The following COL6A3 variants were observed in gnomAD, a reference collection of about 807,000 sequenced individuals.
The protein encoded by COL6A3 is collagen alpha-3(VI) chain.
COL6A3 carries 137 observed loss-of-function variants against 274.1 expected under a neutral mutation model. The observed-to-expected ratio is 0.50, with a 90% CI of 0.44 to 0.58. COL6A3 has a LOEUF of 0.58. Among genes scored for constraint, COL6A3 ranks in the 20% least tolerant of loss-of-function variants. COL6A3 has a pLI of 0.00. For missense variants in COL6A3, 3,950 were observed against 4,124.9 expected, an observed-to-expected ratio of 0.96 and a Z score of 1.16; for synonymous variants, 1,650 against 1,650.6, an observed-to-expected ratio of 1.00 and a Z score of 0.01.
At chr2:237,347,646 C>T (rs1388353545) in intron 31 of COL6A3, among the ~76,000 whole-genome samples, 161 bp downstream of exon 31, 1 of 152,144 alleles carries the variant, frequency 6.6e-6, no homozygotes, top group Non-Finnish European at 1.5e-5. Flanking sequence ...ATGGTGGCAC[C>T]CTGAGGACAT....
At chr2:237,352,304 G>T (rs2077223382) in intron 26 of COL6A3, among the ~76,000 whole-genome samples, 1 of 152,192 alleles carries the variant, frequency 6.6e-6, no homozygotes, top group African/African-American at 2.4e-5. Flanking sequence ...TTGAGACTTA[G>T]AGGCCCATGG....
rs762715536 is a variant in COL6A3 at position 237,381,032 on chromosome 2, C to T, written c.1780G>A (p.Glu594Lys). The T allele has an allele frequency of 1.2e-6, 2 of 1,614,130 alleles. No homozygotes were observed. Among genetic ancestry groups the T allele is most frequent in the Admixed American group, 1.7e-5 (1 of 60,008 alleles). Reference sequence around the variant, plus strand: ...ACCAGGGAGGAGTCGAAAGCGATCTCTTCCAGCTCAGCCTGATCGGCACCC... The same window carrying T: ...ACCAGGGAGGAGTCGAAAGCGATCTTTTCCAGCTCAGCCTGATCGGCACCC... ...NKGADQAELE[E>K]IAFDSSLVFI... Residue 594 changes from glutamate (E) to lysine (K), a missense_variant, in exon 5 of 44, where the codon GAG (glutamate) becomes AAG (lysine). By Grantham distance (56) the Glu-to-Lys change is moderately conservative (BLOSUM62 1). Coordinates refer to ENST00000295550, the MANE Select transcript of COL6A3 (RefSeq NM_004369.4).
chr2:237,345,556 T>G (rs1254743446), intron 32 of COL6A3, among the ~76,000 whole-genome samples: 1 of 152,122 alleles, frequency 6.6e-6, no homozygotes, highest in Non-Finnish European at 1.5e-5. Context: ...TGATACGCTG[T>G]CCCCTGCCGA....
chr2:237,366,071 TG>T (rs1487804754), intron 11 of COL6A3, 36 bp from the exon 12 acceptor site: 7 of 1,577,084 alleles, frequency 4.4e-6, no homozygotes, highest in East Asian at 4.5e-5. Context: ...AGTTCTCAGC[TG>T]GGGCTGAGGA....
chr2:237,373,474 C>T (rs2077746707), intron 8 of COL6A3, among the ~76,000 whole-genome samples: 1 of 152,184 alleles, frequency 6.6e-6, no homozygotes, highest in Admixed American at 6.5e-5. Flanking sequence ...CCACACTGCT[C>T]TCTTCCCCAG....
Position 237,377,207 on chromosome 2 carries a change from G to C in COL6A3, c.2635C>G (p.Gln879Glu), listed in dbSNP as rs139653464. Residue 879 changes from glutamine to glutamate, a missense_variant, in exon 7 of 44, where the codon CAG (glutamine) becomes GAG (glutamate). Around this residue, in one of 5 missense-constraint regions of COL6A3, gnomAD observed 1,934 missense variants for 1,984.3 expected, o/e 0.97. Coordinates refer to ENST00000295550, the MANE Select transcript of COL6A3 (RefSeq NM_004369.4). ...KPEGTRIAVA[Q>E]YSDDVKVESR... ...TCCACCTTGACATCATCGCTGTACTGAGCCACCGCAATTCGGGTCCCCTCT... is the reference window on the plus strand; with the variant it reads ...TCCACCTTGACATCATCGCTGTACTCAGCCACCGCAATTCGGGTCCCCTCT... 2.5e-6 allele frequency: 4 copies of C among 1,613,726 alleles called. No homozygotes were observed. In the African/African-American group the frequency reaches 5.3e-5, roughly 22 times the overall value.
chr2:237,389,159 CAG>C (rs1282552345), intron 3 of COL6A3, among the ~76,000 whole-genome samples: 2 of 152,180 alleles, frequency 1.3e-5, no homozygotes, highest in Admixed American at 1.3e-4. Flanking sequence ...TAATGGCAAA[CAG>C]AGAATTCCCA....
intron 2 of COL6A3, among the ~76,000 whole-genome samples, chr2:237,395,672 C>T (rs921568306): frequency 2.6e-5 from 4 of 152,170 alleles, no homozygotes; most frequent in African/African-American, 9.7e-5. Flanking sequence ...CATTCACTAA[C>T]CCCCAATGCT....
chr2:237,334,654 T>C lies in COL6A3; in HGVS notation c.9201A>G (p.Arg3067=), dbSNP rs1336555076. 8 of 1,613,674 alleles carry C rather than the reference T, an allele frequency of 5.0e-6. No homozygotes were observed. Among genetic ancestry groups the C allele is most frequent in the Non-Finnish European group, 6.8e-6 (8 of 1,180,022 alleles). ...TACTGAAACTTCCGTGGTAGGTGGC[T>C]CTGACCTGAGACCTCAGGTAGCAGA... is the stretch of plus-strand genomic sequence containing the variant. ...AVVCYLRSQV[R]ATYHGSFSTK... Residue 3067 remains arginine, a synonymous_variant, in exon 41 of 44, where the codon AGA becomes AGG. Transcript: ENST00000295550.
chr2:237,356,464 A>C (rs529603188), intron 23 of COL6A3, among the ~76,000 whole-genome samples: 1 of 152,202 alleles, frequency 6.6e-6, no homozygotes, highest in East Asian at 1.9e-4. Flanking sequence ...TAGTCCATCA[A>C]TTTGATTTTG....
Position 237,345,330 on chromosome 2 carries a change from T to A in COL6A3, c.7093-117A>T, listed in dbSNP as rs188633065. 24 of 914,934 alleles carry A rather than the reference T, an allele frequency of 2.6e-5. 2 individuals carry two copies. In the Admixed American group the frequency reaches 4.4e-4, roughly 17 times the overall value. The allele number at this position is 914,934 out of a possible 1,614,324, so 56.7% of individuals were successfully genotyped here. On this transcript the variant is annotated intron_variant, in intron 32 of 43. Coordinates refer to ENST00000295550, the MANE Select transcript of COL6A3 (RefSeq NM_004369.4). ...AAAGGGGCCCCTGGATAACCTTGATTGTTTACAGCCTCTCCCTCTAAACCT... is the reference window on the plus strand; with the variant it reads ...AAAGGGGCCCCTGGATAACCTTGATAGTTTACAGCCTCTCCCTCTAAACCT...
Position 237,374,605 on chromosome 2 carries a change from G to A in COL6A3, c.3486C>T (p.Pro1162=). ...CAGCGTTCCCGATGCCAATGCCAAT[G>A]GGCACAGCCCCACCCCTCTTCACGA... is the stretch of plus-strand genomic sequence containing the variant. ...SVVVKRGGAV[P]IGIGIGNADI... is the part of the protein sequence containing the mutation. The change falls in exon 8 of 44, where the codon CCC becomes CCT. Residue 1162 remains proline (P), a synonymous_variant. Transcript: ENST00000295550. This position sits in a 1 kb window ranked among gnomAD's most constrained non-coding sequence, Gnocchi z 4.8. 1 of 1,614,182 alleles carries A rather than the reference G, an allele frequency of 6.2e-7. No individual in the cohort carries two copies. The highest frequency in any genetic ancestry group is 8.5e-7 in the Non-Finnish European group (1 of 1,180,016).
Position 237,396,749 on chromosome 2 carries a change from A to G in COL6A3, c.69T>C (p.Thr23=). 6.2e-7 allele frequency: 1 copy of G among 1,614,156 alleles called. No homozygotes were observed. The highest frequency in any genetic ancestry group is 8.5e-7 in the Non-Finnish European group (1 of 1,180,012). ...FCLFLSGFPT[T]HAQQQQADVK... is the part of the protein sequence containing the mutation. ...TACCTGCTTGCTGCTGCTGGGCATG[A>G]GTTGTAGGAAAGCCTGAGAGAAAGA... Residue 23 remains threonine, a synonymous_variant, in exon 2 of 44, where the codon ACT becomes ACC. Coordinates refer to ENST00000295550, the MANE Select transcript of COL6A3 (RefSeq NM_004369.4).
intron 3 of COL6A3, among the ~76,000 whole-genome samples, chr2:237,393,754 T>C (rs568717877): frequency 3.9e-5 from 6 of 152,254 alleles, no homozygotes; most frequent in African/African-American, 1.2e-4. Context: ...TCCTTCCCCA[T>C]TGGCCATTTA....
chr2:237,344,943 T>A lies in COL6A3; in HGVS notation c.7172A>T (p.Tyr2391Phe). 7 of 1,614,036 alleles carry A rather than the reference T, an allele frequency of 4.3e-6. No individual in the cohort carries two copies. Among genetic ancestry groups the A allele is most frequent in the Non-Finnish European group, 5.9e-6 (7 of 1,180,022 alleles). ...QSIKDKCPCC[Y>F]GPLECPVFPT... ...GAAAGTCACCAAAATCAACTTACCG[T>A]AACAGCAAGCTAGAAAAGAAGCAAA... Residue 2391 changes from tyrosine (Y) to phenylalanine (F), a missense_variant and splice_region_variant, in exon 35 of 44, where the codon TAC becomes TTC. Physicochemically the swap from Tyr to Phe is conservative, Grantham distance 22. Around this residue, in one of 5 missense-constraint regions of COL6A3, gnomAD observed 1,284 missense variants for 1,349.7 expected, o/e 0.95. Coordinates refer to ENST00000295550, the MANE Select transcript of COL6A3 (RefSeq NM_004369.4). The surrounding 1 kb of genome is among the most constrained non-coding windows in gnomAD (Gnocchi z 4.8).
chr2:237,342,194 G>T (rs2077001841), intron 36 of COL6A3, 33 bp from the exon 37 acceptor site: 3 of 1,549,910 alleles, frequency 1.9e-6, no homozygotes, highest in African/African-American at 2.7e-5. Context: ...TTTGGTAGGG[G>T]CGTACATGAT....
chr2:237,339,058 C>G lies in COL6A3; in HGVS notation c.8524G>C (p.Asp2842His). The change falls in exon 39 of 44, where the codon GAC becomes CAC. Residue 2842 changes from aspartate (D) to histidine (H), a missense_variant. Coordinates refer to ENST00000295550, the MANE Select transcript of COL6A3 (RefSeq NM_004369.4). ...IRKQCDWFQG[D>H]QPTKNLVKFG... ...TTCACAAGGTTCTTTGTGGGTTGGT[C>G]CCCTTGGAACCAATCACACTGTTTC... 6.2e-7 allele frequency: 1 copy of G among 1,614,022 alleles called. No individual in the cohort carries two copies. Among genetic ancestry groups the G allele is most frequent in the Non-Finnish European group, 8.5e-7 (1 of 1,179,974 alleles).
At chr2:237,402,852 C>G (rs2078625884) in intron 1 of COL6A3, among the ~76,000 whole-genome samples, 1 of 152,280 alleles carries the variant, frequency 6.6e-6, no homozygotes, top group South Asian at 2.1e-4. Flanking sequence ...TCCACAGGTG[C>G]CCCCATGGGC....
chr2:237,350,125 C>A, intron 28 of COL6A3, 22 bp downstream of exon 28: 1 of 1,613,108 alleles, frequency 6.2e-7, no homozygotes, highest in South Asian at 1.1e-5. Context: ...ACAGCCTGAC[C>A]CCAAGCGCGC....
Sources: gnomAD v4.1 joint callset for allele counts (sites outside exome capture counted in the v4.1 genomes callset) on GRCh38, gnomAD v4.1.1 for gene constraint, gnomAD v4.1.1 regional missense constraint, Gnocchi (gnomAD v3.1) non-coding constraint, MANE v1.5 for transcripts, NCBI Gene and HGNC (gene_info 2026-07-23, HGNC 2026-07-21) for gene names.